IMMP2L: variants seen among roughly 807,000 people sequenced by gnomAD.
IMMP2L encodes the protein mitochondrial inner membrane protease subunit 2.
IMMP2L carries 18 observed loss-of-function variants against 19.3 expected under a neutral mutation model. The ratio of observed to expected loss-of-function variants is 0.93; its 90% CI spans 0.64 to 1.38. The LOEUF is 1.38. Ranked by LOEUF, IMMP2L falls within the 40% of genes most tolerant of loss-of-function variation. IMMP2L has a pLI of 0.00. For missense variants in IMMP2L, 233 were observed against 218.2 expected, an observed-to-expected ratio of 1.07 and a Z score of -0.43; for synonymous variants, 76 against 73.0, an observed-to-expected ratio of 1.04 and a Z score of -0.21.
At chr7:110,916,978 T>C (rs1459506693) in intron 4 of IMMP2L, among the ~76,000 whole-genome samples, 2 of 152,112 alleles carry the variant, frequency 1.3e-5, no homozygotes, top group Admixed American at 6.6e-5. Context: ...CCTATGAAGG[T>C]GATGTTCTTT....
intron 3 of IMMP2L, among the ~76,000 whole-genome samples, chr7:111,419,929 G>A (rs1361614222): frequency 2.0e-5 from 3 of 151,918 alleles, no homozygotes; most frequent in East Asian, 1.9e-4. Flanking sequence ...TAGTGGAGAA[G>A]TGTTACATAG....
intron 3 of IMMP2L, among the ~76,000 whole-genome samples, chr7:111,165,240 A>T (rs1358871957): frequency 1.3e-5 from 2 of 152,074 alleles, no homozygotes; most frequent in African/African-American, 2.4e-5. Flanking sequence ...ATACAGTAGC[A>T]TATGTCCGAA....
At chr7:110,942,308 A>G (rs1349138351) in intron 4 of IMMP2L, among the ~76,000 whole-genome samples, 8 of 151,986 alleles carry the variant, frequency 5.3e-5, no homozygotes, top group Non-Finnish European at 1.2e-4. Context: ...ACACAATAGC[A>G]GTGTCAAGAT....
intron 1 of IMMP2L, among the ~76,000 whole-genome samples, chr7:111,546,964 G>A (rs979934299): frequency 6.6e-6 from 1 of 152,164 alleles, no homozygotes; most frequent in African/African-American, 2.4e-5. Context: ...GGTACAGAAT[G>A]CTAATGTTGT....
chr7:111,448,035 C>T (rs1407225302), intron 3 of IMMP2L, among the ~76,000 whole-genome samples: 3 of 144,848 alleles, frequency 2.1e-5, no homozygotes, highest in Non-Finnish European at 4.5e-5. Context: ...GCACCCAATA[C>T]AGGAGCACCC....
Position 111,417,870 on chromosome 7 carries a change from C to T in IMMP2L, c.239+69368G>A, listed in dbSNP as rs1011624399. 3.3e-4 allele frequency among the ~76,000 whole-genome samples: 50 copies of T among 151,850 alleles called. 3 individuals are homozygous for T. The highest frequency in any genetic ancestry group is 1.1e-3 in the African/African-American group (47 of 41,158). On this transcript the variant is annotated intron_variant, in intron 3 of 5. Coordinates refer to ENST00000405709, the MANE Select transcript of IMMP2L (RefSeq NM_032549.4). ...ACAATGAAATAGAACTTTTCAGACACTGCGTTTGCAAAGCCCAAATCTGCA... is the reference window on the plus strand; with the variant it reads ...ACAATGAAATAGAACTTTTCAGACATTGCGTTTGCAAAGCCCAAATCTGCA...
At chr7:111,460,304 C>A (rs2131999134) in intron 3 of IMMP2L, among the ~76,000 whole-genome samples, 1 of 152,224 alleles carries the variant, frequency 6.6e-6, no homozygotes, top group South Asian at 2.1e-4. Flanking sequence ...AGGAATATTT[C>A]TTTCACAAAT....
At chr7:111,378,394 C>T (rs890595355) in intron 3 of IMMP2L, among the ~76,000 whole-genome samples, 3 of 151,884 alleles carry the variant, frequency 2.0e-5, no homozygotes, top group Non-Finnish European at 4.4e-5. Flanking sequence ...ATTGATAAAA[C>T]TTCCAGCAAA....
At chr7:111,184,009 G>A (rs528390564) in intron 3 of IMMP2L, among the ~76,000 whole-genome samples, 25 of 151,992 alleles carry the variant, frequency 1.6e-4, no homozygotes, top group African/African-American at 5.1e-4. Flanking sequence ...TTGCACTGTC[G>A]TCACAATAAT....
chr7:111,139,604 G>A (rs568108659), intron 3 of IMMP2L, among the ~76,000 whole-genome samples: 1 of 152,068 alleles, frequency 6.6e-6, no homozygotes, highest in Non-Finnish European at 1.5e-5. Context: ...GTAGTAATTA[G>A]CCTAACCCTG....
At chr7:110,820,384 T>G (rs565698449) in intron 5 of IMMP2L, among the ~76,000 whole-genome samples, 1 of 152,078 alleles carries the variant, frequency 6.6e-6, no homozygotes, top group Non-Finnish European at 1.5e-5. Flanking sequence ...TCTCTTCTTA[T>G]GTGTTTAATT....
intron 3 of IMMP2L, among the ~76,000 whole-genome samples, chr7:111,206,883 G>T (rs1449296032): frequency 6.6e-6 from 1 of 151,966 alleles, no homozygotes; most frequent in Non-Finnish European, 1.5e-5. Context: ...ATTTTCCTTA[G>T]GTGTTACTCT....
chr7:110,688,333 T>C (rs902603310), intron 5 of IMMP2L, among the ~76,000 whole-genome samples: 1 of 152,096 alleles, frequency 6.6e-6, no homozygotes, highest in Non-Finnish European at 1.5e-5. Context: ...TGTACAACTA[T>C]GTTCACACAA....
At chr7:110,945,149 G>T (rs1182296011) in intron 4 of IMMP2L, among the ~76,000 whole-genome samples, 1 of 151,970 alleles carries the variant, frequency 6.6e-6, no homozygotes, top group Non-Finnish European at 1.5e-5. Flanking sequence ...GAGACAGTGG[G>T]GAGAATGTGG....
chr7:111,014,647 A>G (rs1825317609), intron 3 of IMMP2L, among the ~76,000 whole-genome samples: 1 of 152,158 alleles, frequency 6.6e-6, no homozygotes, highest in Admixed American at 6.6e-5. Context: ...AAGGTAATCT[A>G]TGGAATGGGA....
chr7:110,996,035 C>T lies in IMMP2L; in HGVS notation c.240-32470G>A, dbSNP rs73435116. Reference sequence around the variant, plus strand: ...GACCTGGGTTAAATCCCAGCTTTACCACTTTACCTTTGGGCAACCTATAAA... The same window carrying T: ...GACCTGGGTTAAATCCCAGCTTTACTACTTTACCTTTGGGCAACCTATAAA... On this transcript the variant is annotated intron_variant, in intron 3 of 5. Coordinates refer to ENST00000405709, the MANE Select transcript of IMMP2L (RefSeq NM_032549.4). 1.5e-3 allele frequency among the ~76,000 whole-genome samples: 222 copies of T among 152,182 alleles called. 2 individuals are homozygous for T. Among genetic ancestry groups the T allele is most frequent in the African/African-American group, 4.5e-3 (185 of 41,530 alleles).
intron 3 of IMMP2L, chr7:111,391,891 AG>A: frequency 2.8e-6 from 2 of 702,748 alleles, no homozygotes; most frequent in Non-Finnish European, 5.2e-6. Context: ...TCTGTTCTAA[AG>A]GATGACATTG....
At chr7:111,423,906 T>A (rs1460371952) in intron 3 of IMMP2L, among the ~76,000 whole-genome samples, 1 of 151,846 alleles carries the variant, frequency 6.6e-6, no homozygotes, top group Non-Finnish European at 1.5e-5. Context: ...GTGAAACTTT[T>A]TTAAGTAAAA....
chr7:111,128,653 C>T (rs1225300170), intron 3 of IMMP2L, among the ~76,000 whole-genome samples: 10 of 152,144 alleles, frequency 6.6e-5, no homozygotes, highest in African/African-American at 2.2e-4. Context: ...GGTGAAACTC[C>T]GTCTCTACTA....
Sources: allele counts gnomAD v4.1 joint callset (sites outside exome capture counted in the v4.1 genomes callset), GRCh38; gene constraint gnomAD v4.1.1; transcripts MANE v1.5; gene names NCBI Gene and HGNC (gene_info 2026-07-23, HGNC 2026-07-21).